MST1: variants seen among roughly 807,000 people sequenced by gnomAD.
The protein encoded by MST1 is hepatocyte growth factor-like protein.
MST1 carries 76 observed loss-of-function variants against 100.1 expected under a neutral mutation model. The observed-to-expected ratio is 0.76, with a 90% CI of 0.63 to 0.92. The LOEUF is 0.92. Among genes scored for constraint, MST1 ranks in the 40% least tolerant of loss-of-function variants. The pLI is 0.00. For missense variants in MST1, 850 were observed against 990.0 expected, an observed-to-expected ratio of 0.86 and a Z score of 1.90; for synonymous variants, 352 against 385.4, an observed-to-expected ratio of 0.91 and a Z score of 1.01.
intron 1 of MST1, 162 bp from the exon 2 acceptor site, chr3:49,688,059 A>T: frequency 1.7e-6 from 2 of 1,197,542 alleles, no homozygotes; most frequent in Non-Finnish European, 2.3e-6. Context: ...CTGCACAGAT[A>T]CTTGTGAAAA....
chr3:49,686,075 G>T lies in MST1; in HGVS notation c.1134C>A (p.Asp378Glu). ...FCYQIRRCTD[D>E]VRPQDCYHGA... ...CTTGGGCCTCACCCTGGGGCCGCACGTCGTCTGTACAACGCCGGATCTGGT... is the reference window on the plus strand; with the variant it reads ...CTTGGGCCTCACCCTGGGGCCGCACTTCGTCTGTACAACGCCGGATCTGGT... The change falls in exon 9 of 18, where the codon GAC (aspartate) becomes GAA (glutamate). Residue 378 changes from aspartate (D) to glutamate (E), a missense_variant. Asp to Glu is a conservative substitution (Grantham distance 45, BLOSUM62 2). Coordinates refer to ENST00000449682, the MANE Select transcript of MST1 (RefSeq NM_020998.4). 6.2e-7 allele frequency: 1 copy of T among 1,610,324 alleles called. No individual in the cohort carries two copies. Among genetic ancestry groups the T allele is most frequent in the Non-Finnish European group, 8.5e-7 (1 of 1,179,352 alleles).
Position 49,686,189 on chromosome 3 carries a change from G to A in MST1, c.1020C>T (p.Asp340=). The stretch of plus-strand genomic sequence containing the variant: ...GGTTCCGGCAGAAGTTCTCCCGAAG[G>A]TCTCTAAGCAGGCGCTCCACTCAGC... The part of the protein sequence containing the change: ...RFTPEKYACK[D]LRENFCRNPD... Residue 340 remains aspartate, a synonymous_variant, in exon 9 of 18, where the codon GAC becomes GAT. Coordinates refer to ENST00000449682, the MANE Select transcript of MST1 (RefSeq NM_020998.4). The A allele has an allele frequency of 6.2e-7, 1 of 1,611,160 alleles. No individual in the cohort carries two copies. The highest frequency in any genetic ancestry group is 8.5e-7 in the Non-Finnish European group (1 of 1,179,498).
rs1450409537 is a variant in MST1, at chr3:49,684,542, G to A, written c.1876+8C>T. Reference sequence around the variant, plus strand: ...GGCCACCAGCAGTCCTGTGCACTGTGCTCTTACCTTTGGTCTCACCCCAGC... The same window carrying A: ...GGCCACCAGCAGTCCTGTGCACTGTACTCTTACCTTTGGTCTCACCCCAGC... On this transcript the variant is annotated splice_region_variant and intron_variant, in intron 16 of 17. Coordinates refer to ENST00000449682, the MANE Select transcript of MST1 (RefSeq NM_020998.4). 5 of 1,613,564 alleles carry A rather than the reference G, an allele frequency of 3.1e-6. No individual in the cohort carries two copies. In the East Asian group the frequency reaches 1.1e-4, roughly 36 times the overall value.
chr3:49,686,944 T>C lies in MST1; in HGVS notation c.728+3A>G. The C allele has an allele frequency of 1.2e-6, 2 of 1,611,494 alleles. No homozygotes were observed. The highest frequency in any genetic ancestry group is 1.7e-6 in the Non-Finnish European group (2 of 1,179,708). ...CCAGGACGCCGATACCGCCTACGCGTACTTGCCCGGCTCGAAGGGGTGCTG... is the reference window on the plus strand; with the variant it reads ...CCAGGACGCCGATACCGCCTACGCGCACTTGCCCGGCTCGAAGGGGTGCTG... On this transcript the variant is annotated splice_donor_region_variant and intron_variant, in intron 6 of 17. Transcript: ENST00000449682.
At chr3:49,685,222 C>T (rs2053607062) in intron 13 of MST1, 40 bp downstream of exon 13, 1 of 1,611,218 alleles carries the variant, frequency 6.2e-7, no homozygotes, top group Non-Finnish European at 8.5e-7. Flanking sequence ...AGGACACAAC[C>T]TCAGCTCCTC....
In MST1 at chr3:49,688,880, G is replaced by T; in HGVS notation, c.-189C>A. On this transcript the variant is annotated 5_prime_UTR_variant, in exon 1 of 18. Coordinates refer to ENST00000449682, the MANE Select transcript of MST1 (RefSeq NM_020998.4). ...ACAGGTGTTAGGAAGGTTTGGTGGGGACACTTGAGGTGCCCTGGGGTTGGG... is the reference window on the plus strand; with the variant it reads ...ACAGGTGTTAGGAAGGTTTGGTGGGTACACTTGAGGTGCCCTGGGGTTGGG... 1 of 494,262 alleles carries T rather than the reference G, an allele frequency of 2.0e-6. No homozygotes were observed. Among genetic ancestry groups the T allele is most frequent in the East Asian group, 3.4e-5 (1 of 28,988 alleles). 30.6% of individuals were successfully genotyped at this position (494,262 alleles called of 1,614,324 possible).
Position 49,684,109 on chromosome 3 carries a change from G to A in MST1, c.2097C>T (p.Cys699=), listed in dbSNP as rs397713690. 3.1e-6 allele frequency: 5 copies of A among 1,613,542 alleles called. No individual in the cohort carries two copies. Among genetic ancestry groups the A allele is most frequent in the Non-Finnish European group, 4.2e-6 (5 of 1,179,872 alleles). ...AGACAGCTGGCCAGCGGGACCTTGC[G>A]CATACTCGGTTGGGGATTATAATTC... is the stretch of plus-strand genomic sequence containing the variant. ...LEGIIIPNRV[C]ARSRWPAVFT... Residue 699 remains cysteine (C), a synonymous_variant, in exon 18 of 18, where the codon TGC becomes TGT. Transcript: ENST00000449682.
rs1378275703 is a variant in MST1, at chr3:49,686,380, G to A, written c.949C>T (p.Pro317Ser). 1.1e-5 allele frequency: 17 copies of A among 1,610,636 alleles called. No homozygotes were observed. The highest frequency in any genetic ancestry group is 1.4e-5 in the Non-Finnish European group (16 of 1,179,484). Reference sequence around the variant, plus strand: ...ATTTGCGCGTCCCAACGCTGGCAAGGTACGCCCGCAGTGGTGGTATTGGCT... The same window carrying A: ...ATTTGCGCGTCCCAACGCTGGCAAGATACGCCCGCAGTGGTGGTATTGGCT... Reference protein sequence around the residue: ...GTANTTTAGVPCQRWDAQIPH... With the variant: ...GTANTTTAGVSCQRWDAQIPH... The change falls in exon 8 of 18, where the codon CCT (proline) becomes TCT (serine). Residue 317 changes from proline to serine, a missense_variant. Physicochemically the swap from Pro to Ser is moderately conservative, Grantham distance 74 (BLOSUM62 -1). This residue lies in a region of MST1 where 816 missense variants were observed against 924.6 expected (regional missense o/e 0.88). Transcript: ENST00000449682.
chr3:49,688,408 G>A (rs1479231511), intron 1 of MST1, 190 bp downstream of exon 1: 16 of 589,384 alleles, frequency 2.7e-5, no homozygotes, highest in Non-Finnish European at 3.7e-5. Context: ...TAGAGCAGAC[G>A]TGCTAATAGA....
At chr3:49,688,352 C>A in intron 1 of MST1, 2 of 535,788 alleles carry the variant, frequency 3.7e-6, no homozygotes, top group Non-Finnish European at 3.4e-6. Flanking sequence ...GGGGTCACTG[C>A]CTGCTGTGTG....
chr3:49,687,495 G>C lies in MST1; in HGVS notation c.356-17C>G, dbSNP rs775977502. On this transcript the variant is annotated splice_polypyrimidine_tract_variant and intron_variant, in intron 3 of 17. Transcript: ENST00000449682. ...GTACGTAGTCTGGGAGCAAGAGACA[G>C]AAGATCAACTTGGGCTGAGGTCCCC... 4 of 1,613,486 alleles carry C rather than the reference G, an allele frequency of 2.5e-6. No homozygotes were observed. Among genetic ancestry groups the C allele is most frequent in the Non-Finnish European group, 3.4e-6 (4 of 1,179,862 alleles).
In MST1 at chr3:49,687,413, C is replaced by T; in HGVS notation, c.421G>A (p.Gly141Ser). 2 of 1,613,408 alleles carry T rather than the reference C, an allele frequency of 1.2e-6. No homozygotes were observed. The highest frequency in any genetic ancestry group is 1.1e-5 in the South Asian group (1 of 91,080). ...CTCCAAGCCTGGCAGGGCAGGCCAC[C>T]CACGGTCGTGGCCATGGTGCCCCGG... ...GYRGTMATTV[G>S]GLPCQAWSHK... The change falls in exon 4 of 18, where the codon GGT becomes AGT. Residue 141 changes from glycine to serine, a missense_variant. Gly to Ser is a moderately conservative substitution (Grantham distance 56). Coordinates refer to ENST00000449682, the MANE Select transcript of MST1 (RefSeq NM_020998.4).
chr3:49,686,134 T>C lies in MST1; in HGVS notation c.1075A>G (p.Thr359Ala). 6.2e-7 allele frequency: 1 copy of C among 1,611,248 alleles called. No individual in the cohort carries two copies. The highest frequency in any genetic ancestry group is 8.5e-7 in the Non-Finnish European group (1 of 1,179,536). The part of the protein sequence containing the change: ...PDGSEAPWCF[T>A]LRPGMRAAFC... The stretch of plus-strand genomic sequence containing the variant: ...GCCGCGCGCATGCCGGGCCGCAGTG[T>C]GAAGCACCAGGGCGCCTCTGAGCCG... The change falls in exon 9 of 18, where the codon ACA (threonine) becomes GCA (alanine). Residue 359 changes from threonine (T) to alanine (A), a missense_variant. Coordinates refer to ENST00000449682, the MANE Select transcript of MST1 (RefSeq NM_020998.4).
In MST1 at chr3:49,687,793, C is replaced by T. The variant is rs777557908; in HGVS notation, c.199G>A (p.Ala67Thr). 8.1e-6 allele frequency: 13 copies of T among 1,613,518 alleles called. No homozygotes were observed. In the African/African-American group the frequency reaches 1.7e-4, roughly 22 times the overall value. Residue 67 changes from alanine (A) to threonine (T), a missense_variant, in exon 2 of 18, where the codon GCT becomes ACT. By Grantham distance (58) the Ala-to-Thr change is moderately conservative. Coordinates refer to ENST00000449682, the MANE Select transcript of MST1 (RefSeq NM_020998.4). Reference sequence around the variant, plus strand: ...CCACAGCGACCAGCACACTCTTCAGCATCTGCCACATCCTCCTGCCAAGGC... The same window carrying T: ...CCACAGCGACCAGCACACTCTTCAGTATCTGCCACATCCTCCTGCCAAGGC... Reference protein sequence around the residue: ...PGPWQEDVADAEECAGRCGPL... With the variant: ...PGPWQEDVADTEECAGRCGPL...
At position 49,686,756 on chromosome 3, in the gene MST1, C is replaced by T. The variant is rs1328030015; in HGVS notation, c.775G>A (p.Gly259Ser). 5 of 1,608,526 alleles carry T rather than the reference C, an allele frequency of 3.1e-6. No individual in the cohort carries two copies. Among genetic ancestry groups the T allele is most frequent in the Admixed American group, 1.7e-5 (1 of 59,582 alleles). Residue 259 changes from glycine (G) to serine (S), a missense_variant, in exon 7 of 18, where the codon GGC becomes AGC. Gly to Ser is a moderately conservative substitution (Grantham distance 56). Around this residue, in one of 2 missense-constraint regions of MST1, gnomAD observed 816 missense variants for 924.6 expected, o/e 0.88. Transcript: ENST00000449682. ...GTGTAGCACCATGGCCGCTCGGAGC[C>T]GTCAGGATTCCGGCAATAGTTGTCG... The part of the protein sequence containing the change: ...LDDNYCRNPD[G>S]SERPWCYTTD...
At position 49,684,365 on chromosome 3, in the gene MST1, C is replaced by A. The variant is rs13085791; in HGVS notation, c.1965G>T (p.Arg655=). ...ECNIKHRGRV[R]ESEMCTEGLL... ...GTCCCTCAGTGCACATCTCACTCTC[C>A]CGCACACGTCCTCGGTGCTTGATGT... Residue 655 remains arginine, a synonymous_variant, in exon 17 of 18, where the codon CGG becomes CGT. Coordinates refer to ENST00000449682, the MANE Select transcript of MST1 (RefSeq NM_020998.4). 0.29 allele frequency: 459,738 copies of A among 1,613,046 alleles called. 69,531 individuals carry two copies. Among genetic ancestry groups the A allele is most frequent in the Middle Eastern group, 0.3 (1,845 of 6,056 alleles).
rs758637778 is a variant in MST1, at chr3:49,687,252, C to G, written c.504G>C (p.Glu168Asp). 4.3e-6 allele frequency: 7 copies of G among 1,613,414 alleles called. No individual in the cohort carries two copies. In the African/African-American group the frequency reaches 9.3e-5, roughly 22 times the overall value. ...YTPTLRNGLE[E>D]NFCRNPDGDP... ...CGCCATCAGGGTTACGGCAGAAGTT[C>G]TCTTCCAGGCCATTCCGGAGAGTGG... The change falls in exon 5 of 18, where the codon GAG becomes GAC. Residue 168 changes from glutamate (E) to aspartate (D), a missense_variant. Physicochemically the swap from Glu to Asp is conservative, Grantham distance 45. This residue lies in a region of MST1 where 816 missense variants were observed against 924.6 expected (regional missense o/e 0.88). Coordinates refer to ENST00000449682, the MANE Select transcript of MST1 (RefSeq NM_020998.4).
In MST1 at chr3:49,686,135, G is replaced by A. The variant is rs1217126348; in HGVS notation, c.1074C>T (p.Phe358=). The change falls in exon 9 of 18, where the codon TTC becomes TTT. Residue 358 remains phenylalanine (F), a synonymous_variant. Transcript: ENST00000449682. ...NPDGSEAPWC[F]TLRPGMRAAF... ...CCGCGCGCATGCCGGGCCGCAGTGT[G>A]AAGCACCAGGGCGCCTCTGAGCCGT... is the stretch of plus-strand genomic sequence containing the variant. The A allele has an allele frequency of 1.1e-5, 17 of 1,611,350 alleles. No individual in the cohort carries two copies. Among genetic ancestry groups the A allele is most frequent in the African/African-American group, 2.7e-5 (2 of 74,868 alleles).
intron 11 of MST1, 37 bp from the exon 12 acceptor site, chr3:49,685,543 C>G (rs756458682): frequency 2.2e-5 from 35 of 1,613,352 alleles, no homozygotes; most frequent in Middle Eastern, 1.7e-4. Flanking sequence ...AGGGAGCCAG[C>G]CTTTGGGTGG....
Sources: gnomAD v4.1 joint callset for allele counts on GRCh38, gnomAD v4.1.1 for gene constraint, gnomAD v4.1.1 regional missense constraint, MANE v1.5 for transcripts, NCBI Gene and HGNC (gene_info 2026-07-23, HGNC 2026-07-21) for gene names.